The following ZNF804B variants were observed in gnomAD, a reference collection of about 807,000 sequenced individuals.
ZNF804B encodes the protein zinc finger 804B.
Under a neutral mutation model 101.4 loss-of-function variants are expected in ZNF804B, and 80 were observed. That is an observed-to-expected ratio of 0.79 (90% confidence interval 0.66 to 0.95). The LOEUF is 0.95. Among genes scored for constraint, ZNF804B ranks in the 40% least tolerant of loss-of-function variants. The pLI is 0.00. For synonymous variants in ZNF804B, 622 were observed against 558.8 expected (o/e 1.11, Z -1.59); for missense variants, 1,673 against 1,561.9 (o/e 1.07, Z -1.20).
At chr7:89,241,810 T>C (rs1327588055) in intron 2 of ZNF804B, among the ~76,000 whole-genome samples, 2 of 151,986 alleles carry the variant, frequency 1.3e-5, no homozygotes, top group Non-Finnish European at 2.9e-5. Flanking sequence ...GTCTTTTTTT[T>C]TTTTTCTGCA....
intron 1 of ZNF804B, among the ~76,000 whole-genome samples, chr7:88,809,460 C>T (rs1790748152): frequency 6.6e-6 from 1 of 152,070 alleles, no homozygotes; most frequent in South Asian, 2.1e-4. Context: ...TTTGATTTGT[C>T]AGCCAGGCAA....
At chr7:88,891,600 T>C (rs1792215690) in intron 1 of ZNF804B, among the ~76,000 whole-genome samples, 1 of 151,050 alleles carries the variant, frequency 6.6e-6, no homozygotes, top group South Asian at 2.1e-4. Flanking sequence ...TACATTATAT[T>C]TGTCCTGACT....
chr7:88,822,838 G>A (rs1169968591), intron 1 of ZNF804B, among the ~76,000 whole-genome samples: 1 of 152,168 alleles, frequency 6.6e-6, no homozygotes, highest in Admixed American at 6.5e-5. Context: ...CTCTAATGAA[G>A]CATTTACTTG....
rs1349334060 is a variant in ZNF804B, at chr7:88,800,729, TGTGTGC to T, written c.108+40646_108+40651del. On this transcript the variant is annotated intron_variant, in intron 1 of 3. Coordinates refer to ENST00000333190, the MANE Select transcript of ZNF804B (RefSeq NM_181646.5). ...GTGTGTGTGTGTGTGTGTGTGTGTG[TGTGTGC>T]TTAAAGCATAAACAGCAGAGGGCAT... 3.6e-3 allele frequency among the ~76,000 whole-genome samples: 493 copies of T among 137,784 alleles called. 4 individuals are homozygous for T. The highest frequency in any genetic ancestry group is 0.013 in the African/African-American group (454 of 35,402). The allele number at this position is 137,784 out of a possible 152,430, so 90.4% of individuals were successfully genotyped here.
chr7:89,070,180 A>G (rs976472538), intron 1 of ZNF804B, among the ~76,000 whole-genome samples: 1 of 152,214 alleles, frequency 6.6e-6, no homozygotes, highest in South Asian at 2.1e-4. Context: ...AGGTAACCTT[A>G]CTTGCAGGAG....
At chr7:89,132,117 T>C (rs1282491428) in intron 1 of ZNF804B, among the ~76,000 whole-genome samples, 6 of 150,772 alleles carry the variant, frequency 4.0e-5, no homozygotes, top group African/African-American at 1.5e-4. Context: ...TTCAATGTGC[T>C]GAAAGGCCTG....
At chr7:89,172,966 G>A (rs1159395957) in intron 1 of ZNF804B, among the ~76,000 whole-genome samples, 1 of 152,130 alleles carries the variant, frequency 6.6e-6, no homozygotes, top group Non-Finnish European at 1.5e-5. Flanking sequence ...AAGGAGTATA[G>A]TATGTCTAGT....
At chr7:88,932,332 C>T (rs926642076) in intron 1 of ZNF804B, among the ~76,000 whole-genome samples, 6 of 151,560 alleles carry the variant, frequency 4.0e-5, no homozygotes, top group African/African-American at 1.5e-4. Flanking sequence ...AATGTCACAC[C>T]TTAAGGAACC....
intron 1 of ZNF804B, among the ~76,000 whole-genome samples, chr7:89,039,269 A>G (rs963049788): frequency 6.6e-6 from 1 of 152,068 alleles, no homozygotes; most frequent in South Asian, 2.1e-4. Context: ...TAGTGTAAAC[A>G]TTTTTTGTTT....
chr7:89,105,572 G>C (rs1332901809), intron 1 of ZNF804B, among the ~76,000 whole-genome samples: 2 of 151,948 alleles, frequency 1.3e-5, no homozygotes, highest in Non-Finnish European at 2.9e-5. Flanking sequence ...ACTGGGTAGG[G>C]GAAAACTATC....
At chr7:88,863,493 A>G (rs902034746) in intron 1 of ZNF804B, among the ~76,000 whole-genome samples, 2 of 152,246 alleles carry the variant, frequency 1.3e-5, no homozygotes, top group Non-Finnish European at 1.5e-5. Flanking sequence ...GTTACATGTA[A>G]CTGGAGTTAC....
chr7:89,100,112 A>G (rs1562884536), intron 1 of ZNF804B, among the ~76,000 whole-genome samples: 1 of 152,104 alleles, frequency 6.6e-6, no homozygotes, highest in Non-Finnish European at 1.5e-5. Context: ...AAGAAACCAT[A>G]TTTTTTAGAC....
chr7:88,837,906 T>G (rs1002726566), intron 1 of ZNF804B, among the ~76,000 whole-genome samples: 1 of 151,794 alleles, frequency 6.6e-6, no homozygotes, highest in Non-Finnish European at 1.5e-5. Context: ...AGAAAATATA[T>G]TTACTTTCTA....
intron 2 of ZNF804B, among the ~76,000 whole-genome samples, chr7:89,316,726 G>A (rs1186012588): frequency 6.6e-6 from 1 of 152,134 alleles, no homozygotes; most frequent in Non-Finnish European, 1.5e-5. Flanking sequence ...GACTAGTTGA[G>A]AAGAAATCCT....
chr7:89,160,377 G>A (rs985963748), intron 1 of ZNF804B, among the ~76,000 whole-genome samples: 1 of 152,108 alleles, frequency 6.6e-6, no homozygotes, highest in Non-Finnish European at 1.5e-5. Flanking sequence ...ACACCTTGGG[G>A]AATGCTTAAA....
rs144189179 is a variant in ZNF804B, at chr7:88,804,125, T to G, written c.108+44041T>G. Among the ~76,000 whole-genome samples the G allele has an allele frequency of 3.4e-3, 516 of 152,140 alleles. 12 individuals carry two copies. The East Asian group carries it at 0.059, about 17-fold the overall frequency. On this transcript the variant is annotated intron_variant, in intron 1 of 3. Transcript: ENST00000333190. ...CTAGGGATTTAAAGAAAAATAGATC[T>G]GGTAAAATAGTTGAGCAAAGCCAGG...
chr7:89,177,828 G>A (rs538370910), intron 1 of ZNF804B, among the ~76,000 whole-genome samples: 10 of 151,960 alleles, frequency 6.6e-5, no homozygotes, highest in Admixed American at 2.6e-4. Context: ...CAAGGCGGGC[G>A]GATCACGAGG....
At chr7:89,322,803 A>G (rs1377315129) in intron 2 of ZNF804B, among the ~76,000 whole-genome samples, 2 of 152,196 alleles carry the variant, frequency 1.3e-5, no homozygotes, top group Non-Finnish European at 2.9e-5. Context: ...AACAACCAGA[A>G]AAAATACTCC....
chr7:88,865,542 T>G (rs73200665), intron 1 of ZNF804B, among the ~76,000 whole-genome samples: 9,631 of 152,140 alleles, frequency 0.063, 440 homozygotes, highest in South Asian at 0.16. Flanking sequence ...TTCAAAATAT[T>G]AAATAAATAC....
Sources: gnomAD v4.1 joint callset for allele counts (sites outside exome capture counted in the v4.1 genomes callset) on GRCh38, gnomAD v4.1.1 for gene constraint, MANE v1.5 for transcripts, NCBI Gene and HGNC (gene_info 2026-07-23, HGNC 2026-07-21) for gene names.